The following ZFP2 variants were observed in gnomAD, a reference collection of about 807,000 sequenced individuals.
The protein encoded by ZFP2 is ZFP2 zinc finger protein.
In ZFP2, 33 loss-of-function variants were observed where a neutral mutation model predicts 36.1. The observed-to-expected ratio is 0.92, with a 90% CI of 0.69 to 1.22. The LOEUF is 1.22. Ranked by LOEUF, ZFP2 falls within the 50% of genes most tolerant of loss-of-function variation. The probability of loss-of-function intolerance (pLI) is 0.00; values close to 1 mark genes in which losing one functional copy is unlikely to be tolerated. For synonymous variants in ZFP2, 170 were observed against 178.0 expected (o/e 0.96, Z 0.36); for missense variants, 522 against 551.4 (o/e 0.95, Z 0.53).
chr5:178,907,989 A>G (rs1292921365), intron 1 of ZFP2, among the ~76,000 whole-genome samples: 1 of 152,182 alleles, frequency 6.6e-6, no homozygotes, highest in Non-Finnish European at 1.5e-5. Flanking sequence ...ATGAGCAAGA[A>G]GTGAGGGAAA....
intron 3 of ZFP2, chr5:178,914,094 G>A (rs1053522922): frequency 5.3e-5 from 8 of 152,120 alleles, no homozygotes; most frequent in African/African-American, 1.9e-4. Context: ...CTGACCTCGT[G>A]ATCCGCCTGC....
intron 4 of ZFP2, among the ~76,000 whole-genome samples, chr5:178,925,431 T>C (rs951048782): frequency 3.3e-5 from 5 of 149,500 alleles, no homozygotes; most frequent in Admixed American, 2.7e-4. Context: ...AGTGGTAGAC[T>C]TGCTGTATCA....
intron 4 of ZFP2, among the ~76,000 whole-genome samples, chr5:178,928,444 C>T (rs978222403): frequency 1.3e-5 from 2 of 151,744 alleles, no homozygotes; most frequent in Non-Finnish European, 1.5e-5. Flanking sequence ...TGGGTCAACA[C>T]TCCTGTTCCA....
intron 1 of ZFP2, chr5:178,909,938 T>C (rs1476869455): frequency 3.5e-6 from 5 of 1,443,058 alleles, no homozygotes; most frequent in Non-Finnish European, 4.9e-6. Flanking sequence ...GGTTCTCTGT[T>C]AGGAAGTTCA....
intron 1 of ZFP2, among the ~76,000 whole-genome samples, chr5:178,909,314 G>A (rs1295462715): frequency 6.6e-6 from 1 of 152,304 alleles, no homozygotes; most frequent in African/African-American, 2.4e-5. Flanking sequence ...TCAAGCAGCA[G>A]AACATGTTCC....
intron 4 of ZFP2, among the ~76,000 whole-genome samples, chr5:178,917,332 T>C (rs1280668318): frequency 6.6e-6 from 1 of 152,138 alleles, no homozygotes; most frequent in Non-Finnish European, 1.5e-5. Context: ...TTTAAAAATG[T>C]GGCCGGGCGT....
chr5:178,908,127 C>A (rs1467020410), intron 1 of ZFP2, among the ~76,000 whole-genome samples: 2 of 152,092 alleles, frequency 1.3e-5, no homozygotes, highest in Non-Finnish European at 2.9e-5. Context: ...GTTAACACTC[C>A]TATTCAAATC....
intron 4 of ZFP2, among the ~76,000 whole-genome samples, chr5:178,919,905 AGT>A (rs1758518475): frequency 1.3e-5 from 2 of 152,058 alleles, no homozygotes; most frequent in African/African-American, 4.8e-5. Flanking sequence ...TGAAGGTTGC[AGT>A]GAGCCAAGGT....
At chr5:178,896,377 C>T (rs1042004328) in intron 1 of ZFP2, among the ~76,000 whole-genome samples, 1 of 152,212 alleles carries the variant, frequency 6.6e-6, no homozygotes, top group South Asian at 2.1e-4. Flanking sequence ...CAGCCGCGCG[C>T]AGCTTTGTCC....
chr5:178,898,483 A>T (rs76034451), intron 1 of ZFP2, among the ~76,000 whole-genome samples: 12,305 of 152,288 alleles, frequency 0.081, 658 homozygotes, highest in Non-Finnish European at 0.12. Context: ...TTCTTTATGT[A>T]GCTACTATCC....
At chr5:178,922,568 G>C in intron 4 of ZFP2, 1 of 1,506,492 alleles carries the variant, frequency 6.6e-7, no homozygotes, top group South Asian at 1.1e-5. Context: ...AGCATGGCTT[G>C]GAGCACGTCC....
At chr5:178,907,481 T>C (rs1227756171) in intron 1 of ZFP2, among the ~76,000 whole-genome samples, 1 of 151,870 alleles carries the variant, frequency 6.6e-6, no homozygotes, top group Non-Finnish European at 1.5e-5. Flanking sequence ...TCCTGGGGGT[T>C]AAGTGACAAC....
In ZFP2 at chr5:178,931,269, A is replaced by C. The variant is rs145974592; in HGVS notation, c.-45A>C. 4.2e-5 allele frequency: 64 copies of C among 1,525,942 alleles called. 1 individual carries two copies. The African/African-American group carries it at 6.6e-4, about 16-fold the overall frequency. The allele number at this position is 1,525,942 out of a possible 1,614,324, so 94.5% of individuals were successfully genotyped here. A position where few individuals can be genotyped will look rare whatever the true frequency, so the allele number is the denominator to read the frequency against. On this transcript the variant is annotated 5_prime_UTR_variant, in exon 5 of 5. Coordinates refer to ENST00000361362, the MANE Select transcript of ZFP2 (RefSeq NM_030613.4). ...GACAAGACTTGAAACCAAAGAGCCA[A>C]CTCCGAAGCCGGGTATTACTGAAGA...
At chr5:178,922,608 G>T (rs1329310620) in intron 4 of ZFP2, 1 of 1,576,976 alleles carries the variant, frequency 6.3e-7, no homozygotes, top group African/African-American at 1.3e-5. Flanking sequence ...AGCATGGCAG[G>T]TATGGCCCAT....
rs1758587774 is a variant in ZFP2 at position 178,922,846 on chromosome 5, G to A, written c.-78+6136G>A. On this transcript the variant is annotated intron_variant, in intron 4 of 4. Transcript: ENST00000361362. ...TATGTAGTTACAACATGATGTGATT[G>A]TAGCTTTTTAAACTATGAAACCCCT... 4 of 1,027,690 alleles carry A rather than the reference G, an allele frequency of 3.9e-6. No homozygotes were observed. In the Admixed American group the frequency reaches 1.2e-4, roughly 32 times the overall value. The allele number at this position is 1,027,690 out of a possible 1,614,324, so 63.7% of individuals were successfully genotyped here. A position where few individuals can be genotyped will look rare whatever the true frequency, so the allele number is the denominator to read the frequency against.
In ZFP2 at chr5:178,902,548, A is replaced by G. The variant is rs575078101; in HGVS notation, c.-450+6574A>G. Among the ~76,000 whole-genome samples, 4 of 152,296 alleles carry G rather than the reference A, an allele frequency of 2.6e-5. No individual in the cohort carries two copies. In the South Asian group the frequency reaches 8.3e-4, roughly 32 times the overall value. Reference sequence around the variant, plus strand: ...GGATACTTTTGAAGAGTACAGGCCAATTATTTCATAGAATGATCCTCAATG... The same window carrying G: ...GGATACTTTTGAAGAGTACAGGCCAGTTATTTCATAGAATGATCCTCAATG... On this transcript the variant is annotated intron_variant, in intron 1 of 4. Transcript: ENST00000361362.
At position 178,932,054 on chromosome 5, in the gene ZFP2, TGGAAAA is replaced by T; in HGVS notation, c.743_748del (p.Gly248_Lys249del). 1 of 1,614,026 alleles carries T rather than the reference TGGAAAA, an allele frequency of 6.2e-7. No homozygotes were observed. Among genetic ancestry groups the T allele is most frequent in the East Asian group, 2.2e-5 (1 of 44,858 alleles). On this transcript the variant is annotated inframe_deletion, in exon 5 of 5. Coordinates refer to ENST00000361362, the MANE Select transcript of ZFP2 (RefSeq NM_030613.4). ...AAAAACCCTATGAATGTAATGAATG[TGGAAAA>T]GCCTTCAGTCAAAGCATGCATCTTA...
chr5:178,923,285 C>G (rs1323374435), intron 4 of ZFP2, among the ~76,000 whole-genome samples: 1 of 149,636 alleles, frequency 6.7e-6, no homozygotes, highest in African/African-American at 2.4e-5. Flanking sequence ...ATCCTTTAAG[C>G]AATAGCATCC....
intron 1 of ZFP2, among the ~76,000 whole-genome samples, chr5:178,902,081 C>T (rs559781411): frequency 5.2e-4 from 79 of 152,200 alleles, no homozygotes; most frequent in African/African-American, 1.9e-3. Flanking sequence ...GTTGCAGTGA[C>T]GTGAGATCAC....
Sources: gnomAD v4.1 joint callset for allele counts (sites outside exome capture counted in the v4.1 genomes callset) on GRCh38, gnomAD v4.1.1 for gene constraint, MANE v1.5 for transcripts, NCBI Gene and HGNC (gene_info 2026-07-23, HGNC 2026-07-21) for gene names.